TRIT1: variants seen among roughly 807,000 people sequenced by gnomAD.
TRIT1 encodes the protein tRNA isopentenyltransferase 1.
Under a neutral mutation model 51.2 loss-of-function variants are expected in TRIT1, and 43 were observed. That is an observed-to-expected ratio of 0.84 (90% CI 0.66 to 1.08). TRIT1 has a LOEUF of 1.08. Among genes scored for constraint, TRIT1 ranks in the 50% least tolerant of loss-of-function variants. The pLI, the probability that TRIT1 is intolerant of heterozygous loss-of-function variation, is 0.00. For missense variants in TRIT1, 528 were observed against 578.4 expected, an observed-to-expected ratio of 0.91 and a Z score of 0.89; for synonymous variants, 184 against 203.9, an observed-to-expected ratio of 0.90 and a Z score of 0.83.
intron 1 of TRIT1, among the ~76,000 whole-genome samples, chr1:39,868,827 A>G (rs992963734): frequency 2.0e-5 from 3 of 152,154 alleles, no homozygotes; most frequent in African/African-American, 7.2e-5. Context: ...TGGGAGGCCG[A>G]GGCGGGTGGA....
intron 1 of TRIT1, among the ~76,000 whole-genome samples, chr1:39,867,017 C>A (rs527730093): frequency 1.3e-5 from 2 of 152,170 alleles, no homozygotes; most frequent in East Asian, 3.9e-4. Flanking sequence ...AGAATCTGTG[C>A]CTGATCTGTT....
In TRIT1 at chr1:39,841,433, C is replaced by G. The variant is rs1255185159; in HGVS notation, c.*311G>C. 1 of 205,466 alleles carries G rather than the reference C, an allele frequency of 4.9e-6. No homozygotes were observed. The highest frequency in any genetic ancestry group is 2.3e-5 in the African/African-American group (1 of 43,590). The allele number at this position is 205,466 out of a possible 1,614,324, so 12.7% of individuals were successfully genotyped here. A position where few individuals can be genotyped will look rare whatever the true frequency, so the allele number is the denominator to read the frequency against. On this transcript the variant is annotated 3_prime_UTR_variant, in exon 11 of 11. Transcript: ENST00000316891. ...TCCTGGTATTCACCACAAAGAAGATCCTCATGTATAAAAATGTGGAATCTG... is the reference window on the plus strand; with the variant it reads ...TCCTGGTATTCACCACAAAGAAGATGCTCATGTATAAAAATGTGGAATCTG...
intron 1 of TRIT1, among the ~76,000 whole-genome samples, chr1:39,872,271 T>A (rs1643904079): frequency 6.6e-6 from 1 of 152,020 alleles, no homozygotes; most frequent in Non-Finnish European, 1.5e-5. Flanking sequence ...GACTACAGAC[T>A]GTAACAAATG....
intron 5 of TRIT1, among the ~76,000 whole-genome samples, chr1:39,848,454 C>T (rs564739839): frequency 3.1e-4 from 47 of 151,848 alleles, no homozygotes; most frequent in African/African-American, 1.1e-3. Context: ...TGTCATTATA[C>T]TGCAACTTAG....
At chr1:39,848,524 T>C (rs2124591010) in intron 5 of TRIT1, among the ~76,000 whole-genome samples, 1 of 151,310 alleles carries the variant, frequency 6.6e-6, no homozygotes, top group East Asian at 1.9e-4. Context: ...GGAACTTTAA[T>C]CCAAAGACAT....
intron 1 of TRIT1, among the ~76,000 whole-genome samples, chr1:39,866,022 G>GAAAGAAAAGA (rs148250913): frequency 5.7e-4 from 83 of 144,524 alleles, no homozygotes; most frequent in African/African-American, 2.0e-3. Flanking sequence ...GAAAAGAAAA[G>GAAAGAAAAGA]AAAGAAAAGA....
At chr1:39,861,749 C>A (rs1251825696) in intron 1 of TRIT1, among the ~76,000 whole-genome samples, 1 of 151,802 alleles carries the variant, frequency 6.6e-6, no homozygotes, top group African/African-American at 2.4e-5. Context: ...TATGGTGAAA[C>A]CCTATCTCTA....
At position 39,840,743 on chromosome 1, in the gene TRIT1, G is replaced by A. The variant is rs1001752763; in HGVS notation, c.*1001C>T. Among the ~76,000 whole-genome samples the A allele has an allele frequency of 6.6e-6, 1 of 152,208 alleles. No homozygotes were observed. Among genetic ancestry groups the A allele is most frequent in the East Asian group, 1.9e-4 (1 of 5,206 alleles). ...CAACATTGTGAATGTAGTTAATGCT[G>A]CTGAATTATACCCTAAAAATGCTAT... On this transcript the variant is annotated 3_prime_UTR_variant, in exon 11 of 11. Transcript: ENST00000316891.
chr1:39,868,290 T>C lies in TRIT1; in HGVS notation c.175-10873A>G, dbSNP rs1643661819. On this transcript the variant is annotated intron_variant, in intron 1 of 10. Transcript: ENST00000316891. ...AGAGAATGAAAAAATAAGCCACAGA[T>C]TGGGAGAAAATATTTGCGAATAACA... 2.0e-5 allele frequency among the ~76,000 whole-genome samples: 3 copies of C among 152,164 alleles called. No individual in the cohort carries two copies. The South Asian group carries it at 6.2e-4, about 32-fold the overall frequency.
chr1:39,880,280 A>T (rs1056191080), intron 1 of TRIT1, among the ~76,000 whole-genome samples: 4 of 146,520 alleles, frequency 2.7e-5, no homozygotes, highest in South Asian at 2.1e-4. Context: ...AAAAAAAAAA[A>T]AAAAAAAAAA....
chr1:39,863,123 T>C (rs1362533081), intron 1 of TRIT1, among the ~76,000 whole-genome samples: 1 of 152,232 alleles, frequency 6.6e-6, no homozygotes, highest in Non-Finnish European at 1.5e-5. Context: ...ACTAAGCGTC[T>C]ACTATGTGTT....
rs373973087 is a variant in TRIT1 at position 39,859,977 on chromosome 1, G to C, written c.175-2560C>G. On this transcript the variant is annotated intron_variant, in intron 1 of 10. Coordinates refer to ENST00000316891, the MANE Select transcript of TRIT1 (RefSeq NM_017646.6). ...TTCTTCCTGTAATCTGCCTTTAGGT[G>C]TATCTTCTAGAGGCCCTTAAAATGG... is the stretch of plus-strand genomic sequence containing the variant. 8.5e-5 allele frequency among the ~76,000 whole-genome samples: 13 copies of C among 152,286 alleles called. No homozygotes were observed. In the East Asian group the frequency reaches 2.3e-3, roughly 27 times the overall value.
At chr1:39,852,639 T>A in intron 4 of TRIT1, 92 bp downstream of exon 4, 1 of 1,490,300 alleles carries the variant, frequency 6.7e-7, no homozygotes, top group South Asian at 1.3e-5. Flanking sequence ...TAACTGCTAT[T>A]ACCAAATCTC....
At chr1:39,861,722 G>A (rs1416265366) in intron 1 of TRIT1, among the ~76,000 whole-genome samples, 3 of 152,020 alleles carry the variant, frequency 2.0e-5, no homozygotes, top group East Asian at 1.9e-4. Flanking sequence ...TCAGGAGTTC[G>A]AGACCAGCCT....
intron 8 of TRIT1, 118 bp downstream of exon 8, chr1:39,847,102 G>A: frequency 1.5e-5 from 11 of 754,034 alleles, no homozygotes; most frequent in Admixed American, 2.7e-5. Context: ...CTTCCCTTAG[G>A]TCAGATCCAA....
chr1:39,849,999 T>C (rs1642466965), intron 5 of TRIT1, 120 bp downstream of exon 5: 1 of 989,260 alleles, frequency 1.0e-6, no homozygotes, highest in Non-Finnish European at 1.5e-6. Context: ...ATAAAATTAA[T>C]AGCTAATACT....
Position 39,847,669 on chromosome 1 carries a change from A to G in TRIT1, c.816-9T>C. On this transcript the variant is annotated splice_polypyrimidine_tract_variant and intron_variant, in intron 6 of 10. Transcript: ENST00000316891. ...CATGTTGATAGTCCTGGCTGGGAAC[A>G]GGAGGGTATCAGCAGATAAGCCATT... 6.2e-7 allele frequency: 1 copy of G among 1,614,230 alleles called. No individual in the cohort carries two copies. Among genetic ancestry groups the G allele is most frequent in the East Asian group, 2.2e-5 (1 of 44,886 alleles).
intron 7 of TRIT1, 81 bp from the exon 8 acceptor site, chr1:39,847,378 G>A: frequency 1.3e-6 from 2 of 1,500,034 alleles, no homozygotes; most frequent in Admixed American, 3.5e-5. Context: ...AGCCCAGCAG[G>A]AAAAAGTCAG....
chr1:39,870,235 T>C (rs1228385840), intron 1 of TRIT1, among the ~76,000 whole-genome samples: 1 of 152,210 alleles, frequency 6.6e-6, no homozygotes, highest in East Asian at 1.9e-4. Context: ...CTCTGAAACA[T>C]GTGCTGTGTC....
Sources: allele counts gnomAD v4.1 joint callset (sites outside exome capture counted in the v4.1 genomes callset), GRCh38; gene constraint gnomAD v4.1.1; transcripts MANE v1.5; gene names NCBI Gene and HGNC (gene_info 2026-07-23, HGNC 2026-07-21).